Variants in PHKB observed in about 807,000 individuals in gnomAD.
PHKB encodes phosphorylase b kinase regulatory subunit beta.
Under a neutral mutation model 152.1 loss-of-function variants are expected in PHKB, and 122 were observed. The ratio of observed to expected loss-of-function variants is 0.80; its 90% CI spans 0.69 to 0.93. The LOEUF (loss-of-function observed/expected upper bound fraction) is 0.93. Among genes scored for constraint, PHKB ranks in the 40% least tolerant of loss-of-function variants. PHKB has a pLI of 0.00. For missense variants in PHKB, 1,304 were observed against 1,328.4 expected, an observed-to-expected ratio of 0.98 and a Z score of 0.29; for synonymous variants, 436 against 464.9, an observed-to-expected ratio of 0.94 and a Z score of 0.80.
intron 6 of PHKB, among the ~76,000 whole-genome samples, chr16:47,536,649 A>G (rs1431610671): frequency 6.6e-6 from 1 of 152,262 alleles, no homozygotes; most frequent in Non-Finnish European, 1.5e-5. Flanking sequence ...TAAGATGTAT[A>G]CATATTCACA....
intron 6 of PHKB, among the ~76,000 whole-genome samples, chr16:47,517,099 T>C (rs2151652991): frequency 6.6e-6 from 1 of 152,244 alleles, no homozygotes; most frequent in East Asian, 1.9e-4. Context: ...GAGGAGGCCT[T>C]CCAGAACCAG....
intron 10 of PHKB, among the ~76,000 whole-genome samples, chr16:47,589,474 A>C (rs910556529): frequency 2.0e-5 from 3 of 152,104 alleles, no homozygotes; most frequent in African/African-American, 7.2e-5. Flanking sequence ...GATCCATACT[A>C]TTTGTCTTAT....
At chr16:47,644,703 A>G (rs1175013348) in intron 16 of PHKB, among the ~76,000 whole-genome samples, 1 of 152,248 alleles carries the variant, frequency 6.6e-6, no homozygotes, top group Non-Finnish European at 1.5e-5. Context: ...AATTATTTAA[A>G]TATAAAAGCA....
chr16:47,507,002 C>A (rs781060942), intron 4 of PHKB, among the ~76,000 whole-genome samples: 1 of 152,104 alleles, frequency 6.6e-6, no homozygotes, highest in African/African-American at 2.4e-5. Flanking sequence ...GAGACAAGGT[C>A]TCTCTGGGTC....
intron 26 of PHKB, among the ~76,000 whole-genome samples, chr16:47,671,264 T>C (rs1973633047): frequency 6.6e-6 from 1 of 152,208 alleles, no homozygotes; most frequent in African/African-American, 2.4e-5. Flanking sequence ...TAATTTTGTA[T>C]GTATTATGTA....
intron 28 of PHKB, among the ~76,000 whole-genome samples, chr16:47,694,634 A>G (rs1418054091): frequency 6.6e-6 from 1 of 152,220 alleles, no homozygotes; most frequent in Non-Finnish European, 1.5e-5. Context: ...ACAGACTGCA[A>G]GTAGTTTCAT....
Position 47,589,209 on chromosome 16 carries a change from G to T in PHKB, c.1068+107G>T, listed in dbSNP as rs1971986907. The stretch of plus-strand genomic sequence containing the variant: ...TCTGGCTCTGCTACTTACTAGCTAT[G>T]TGGCCCTGGGCCAGTTAATTAATCT... On this transcript the variant is annotated intron_variant, in intron 10 of 30. Coordinates refer to ENST00000323584, the MANE Select transcript of PHKB (RefSeq NM_000293.3). 15 of 761,908 alleles carry T rather than the reference G, an allele frequency of 2.0e-5. 1 individual carries two copies. The South Asian group carries it at 2.2e-4, about 11-fold the overall frequency. 47.2% of individuals were successfully genotyped at this position (761,908 alleles called of 1,614,324 possible).
rs539467301 is a variant in PHKB at position 47,520,165 on chromosome 16, T to C, written c.594+4564T>C. 3.3e-5 allele frequency among the ~76,000 whole-genome samples: 5 copies of C among 152,292 alleles called. No individual in the cohort carries two copies. The South Asian group carries it at 1.0e-3, about 32-fold the overall frequency. On this transcript the variant is annotated intron_variant, in intron 6 of 30. Coordinates refer to ENST00000323584, the MANE Select transcript of PHKB (RefSeq NM_000293.3). ...ATTCTTAGCTCCTGCTTGTCATCAG[T>C]TTACACAGAGAAATAAGTAAGTTGT...
At chr16:47,555,007 T>C (rs1971344213) in intron 7 of PHKB, among the ~76,000 whole-genome samples, 1 of 152,226 alleles carries the variant, frequency 6.6e-6, no homozygotes, top group East Asian at 1.9e-4. Context: ...AAAGTGGTTT[T>C]ATGTTCTATT....
chr16:47,593,408 C>G lies in PHKB; in HGVS notation c.1069-92C>G. 46 of 753,862 alleles carry G rather than the reference C, an allele frequency of 6.1e-5. 1 individual carries two copies. In the South Asian group the frequency reaches 7.0e-4, roughly 11 times the overall value. 46.7% of individuals were successfully genotyped at this position (753,862 alleles called of 1,614,324 possible). A position where few individuals can be genotyped will look rare whatever the true frequency, so the allele number is the denominator to read the frequency against. ...AGAGCCGTGATTGTGCCACTGCACT[C>G]CAGCCTGGGCCACAGAGTGAGATCT... On this transcript the variant is annotated intron_variant, in intron 10 of 30. Coordinates refer to ENST00000323584, the MANE Select transcript of PHKB (RefSeq NM_000293.3).
chr16:47,480,519 A>G (rs1969945724), intron 1 of PHKB, among the ~76,000 whole-genome samples: 1 of 152,230 alleles, frequency 6.6e-6, no homozygotes, highest in Non-Finnish European at 1.5e-5. Flanking sequence ...TTCAAGAAAT[A>G]TAATTTTCTT....
At chr16:47,566,515 G>A (rs781723852) in intron 7 of PHKB, 42 of 1,605,060 alleles carry the variant, frequency 2.6e-5, no homozygotes, top group Admixed American at 3.3e-5. Flanking sequence ...CTGGGTTCAC[G>A]TGGTAAAAGC....
intron 6 of PHKB, among the ~76,000 whole-genome samples, chr16:47,521,586 C>T (rs769996060): frequency 7.9e-5 from 12 of 151,324 alleles, no homozygotes; most frequent in African/African-American, 1.9e-4. Context: ...ACCCGGGAGG[C>T]GGAGGTTGTG....
chr16:47,461,311 C>G (rs374935499), upstream of PHKB: 37 of 1,510,702 alleles, frequency 2.4e-5, no homozygotes, highest in Non-Finnish European at 3.0e-5. Context: ...TGCTGACAGG[C>G]GGCCCCGGGG....
At position 47,645,755 on chromosome 16, in the gene PHKB, T is replaced by C. The variant is rs966708173; in HGVS notation, c.1609-2778T>C. Among the ~76,000 whole-genome samples, 16 of 150,814 alleles carry C rather than the reference T, an allele frequency of 1.1e-4. No homozygotes were observed. The East Asian group carries it at 3.2e-3, about 30-fold the overall frequency. ...GACACTTCTCAAAAGAAGACATTTA[T>C]GCAGCCAAAAAACACATGAAGAAAT... On this transcript the variant is annotated intron_variant, in intron 16 of 30. Coordinates refer to ENST00000323584, the MANE Select transcript of PHKB (RefSeq NM_000293.3).
chr16:47,546,458 C>T (rs1971166562), intron 6 of PHKB, among the ~76,000 whole-genome samples: 1 of 152,120 alleles, frequency 6.6e-6, no homozygotes, highest in African/African-American at 2.4e-5. Context: ...AATACTGCTG[C>T]CTGAACCTTC....
intron 7 of PHKB, among the ~76,000 whole-genome samples, chr16:47,558,631 C>T (rs1008363543): frequency 6.6e-6 from 1 of 152,176 alleles, no homozygotes; most frequent in Admixed American, 6.5e-5. Context: ...CTCACTGCAA[C>T]CTCTGCTCTT....
chr16:47,475,780 G>C (rs988315497), intron 1 of PHKB, among the ~76,000 whole-genome samples: 8 of 152,142 alleles, frequency 5.3e-5, no homozygotes, highest in Non-Finnish European at 1.2e-4. Context: ...CATTGATAGA[G>C]AGTGTTAATC....
rs9924144 is a variant in PHKB, at chr16:47,604,692, G to A, written c.1364-6134G>A. Among the ~76,000 whole-genome samples the A allele has an allele frequency of 4.2e-3, 639 of 152,140 alleles. 6 individuals carry two copies. The highest frequency in any genetic ancestry group is 0.015 in the African/African-American group (609 of 41,514). On this transcript the variant is annotated intron_variant, in intron 13 of 30. Coordinates refer to ENST00000323584, the MANE Select transcript of PHKB (RefSeq NM_000293.3). ...TTCTTTAAATTATTATTTCATTAAA[G>A]AAACAGATTTTTCTTAATATTTTCT...
Sources: gnomAD v4.1 joint callset for allele counts (sites outside exome capture counted in the v4.1 genomes callset) on GRCh38, gnomAD v4.1.1 for gene constraint, MANE v1.5 for transcripts, NCBI Gene and HGNC (gene_info 2026-07-23, HGNC 2026-07-21) for gene names.